The following MMP26 variants were observed in gnomAD, a reference collection of about 807,000 sequenced individuals.
MMP26 encodes matrix metallopeptidase 26, also known as matrix metalloproteinase-26.
In MMP26, 33 loss-of-function variants were observed where a neutral mutation model predicts 31.0. That is an observed-to-expected ratio of 1.06 (90% CI 0.81 to 1.42). MMP26 has a LOEUF of 1.42. Ranked by LOEUF, MMP26 falls within the 40% of genes most tolerant of loss-of-function variation. The pLI is 0.00. For synonymous variants in MMP26, 122 were observed against 114.9 expected, an observed-to-expected ratio of 1.06 and a Z score of -0.40; for missense variants, 347 against 316.1, an observed-to-expected ratio of 1.10 and a Z score of -0.74.
rs115841226 is a variant in MMP26 at position 4,946,420 on chromosome 11, C to T, written c.-144-41648C>T. 8 of 1,609,594 alleles carry T rather than the reference C, an allele frequency of 5.0e-6. No homozygotes were observed. The African/African-American group carries it at 6.7e-5, about 13-fold the overall frequency. On this transcript the variant is annotated intron_variant, in intron 2 of 7. Coordinates refer to ENST00000380390, the MANE Select transcript of MMP26 (RefSeq NM_021801.5). ...GCTGCTCCTTTTTGGATGCAATTCC[C>T]AGTACAGTCTTGAGGATCAGGGTGT...
At chr11:4,739,512 C>T (rs574504568) in intron 1 of MMP26, among the ~76,000 whole-genome samples, 1 of 152,232 alleles carries the variant, frequency 6.6e-6, no homozygotes, top group Admixed American at 6.5e-5. Context: ...TTCTCTAGAC[C>T]TAGGCATTGG....
intron 2 of MMP26, chr11:4,822,081 T>C: frequency 6.2e-7 from 1 of 1,613,536 alleles, no homozygotes; most frequent in Non-Finnish European, 8.5e-7. Flanking sequence ...TGCTCTCCTA[T>C]ATCCTGATCA....
At chr11:4,921,512 T>G (rs1851184341) in intron 2 of MMP26, among the ~76,000 whole-genome samples, 1 of 152,238 alleles carries the variant, frequency 6.6e-6, no homozygotes, top group Non-Finnish European at 1.5e-5. Flanking sequence ...AGAAAAAGTG[T>G]AGTTACGGAA....
chr11:4,845,258 G>A (rs892259110), intron 2 of MMP26, among the ~76,000 whole-genome samples: 4 of 151,938 alleles, frequency 2.6e-5, no homozygotes, highest in South Asian at 4.2e-4. Context: ...AAGTTGAAGA[G>A]GGTACCAAGA....
At chr11:4,707,370 T>G (rs74835378) in intron 1 of MMP26, among the ~76,000 whole-genome samples, 20,479 of 152,210 alleles carry the variant, frequency 0.13, 3,128 homozygotes, top group African/African-American at 0.38. Flanking sequence ...CTTTTTAAAT[T>G]GAGTTATTTG....
chr11:4,916,056 C>T (rs186722595), intron 2 of MMP26, among the ~76,000 whole-genome samples: 224 of 152,100 alleles, frequency 1.5e-3, no homozygotes, highest in Admixed American at 3.6e-3. Context: ...CAGTGGCTCA[C>T]GCCTGTAATC....
intron 2 of MMP26, among the ~76,000 whole-genome samples, chr11:4,917,183 C>G (rs2595976): frequency 6.6e-6 from 1 of 152,116 alleles, no homozygotes; most frequent in Non-Finnish European, 1.5e-5. Context: ...TTTTTTATTT[C>G]GCTAACTAAT....
At chr11:4,975,559 G>A (rs776937697) in intron 2 of MMP26, among the ~76,000 whole-genome samples, 13 of 152,154 alleles carry the variant, frequency 8.5e-5, no homozygotes, top group African/African-American at 2.4e-4. Context: ...CTGCCAGGAC[G>A]GAGGTTCAAA....
intron 2 of MMP26, chr11:4,860,703 A>C: frequency 3.1e-6 from 1 of 320,756 alleles, no homozygotes; most frequent in Non-Finnish European, 6.1e-6. Flanking sequence ...AAGTTAAAAA[A>C]CATTTAGATG....
At chr11:4,778,465 A>T (rs187018661) in intron 2 of MMP26, among the ~76,000 whole-genome samples, 12 of 152,080 alleles carry the variant, frequency 7.9e-5, no homozygotes, top group African/African-American at 2.4e-4. Context: ...TTCTTTCTAG[A>T]TTTCCTGGTG....
At chr11:4,865,368 A>T (rs1850219589) in intron 2 of MMP26, among the ~76,000 whole-genome samples, 1 of 152,150 alleles carries the variant, frequency 6.6e-6, no homozygotes, top group African/African-American at 2.4e-5. Flanking sequence ...TAAAGCATGA[A>T]AAATAATTAT....
chr11:4,856,401 AAAAAAG>A (rs1850054102), intron 2 of MMP26, among the ~76,000 whole-genome samples: 1 of 152,200 alleles, frequency 6.6e-6, no homozygotes, highest in Non-Finnish European at 1.5e-5. Flanking sequence ...TGGAAAACCA[AAAAAAG>A]CAGGGATTGC....
chr11:4,861,899 CCTTAT>C (rs1447952947), intron 2 of MMP26, among the ~76,000 whole-genome samples: 2 of 152,112 alleles, frequency 1.3e-5, no homozygotes, highest in East Asian at 3.9e-4. Flanking sequence ...AGCTCTAAAT[CCTTAT>C]CTTAGCCTTC....
intron 2 of MMP26, among the ~76,000 whole-genome samples, chr11:4,829,122 T>C (rs1389902705): frequency 2.6e-5 from 4 of 152,188 alleles, no homozygotes; most frequent in Admixed American, 6.5e-5. Context: ...GTATTTCTAC[T>C]GGCATGATCT....
chr11:4,867,641 G>C (rs1485913040), intron 2 of MMP26, among the ~76,000 whole-genome samples: 1 of 151,862 alleles, frequency 6.6e-6, no homozygotes, highest in Non-Finnish European at 1.5e-5. Flanking sequence ...TGCCCACCTT[G>C]ATCTCCCAAA....
At chr11:4,745,571 G>C (rs866464262) in intron 1 of MMP26, among the ~76,000 whole-genome samples, 1 of 152,118 alleles carries the variant, frequency 6.6e-6, no homozygotes, top group African/African-American at 2.4e-5. Context: ...TGGTACATTT[G>C]TACGTTCGTC....
rs573658398 is a variant in MMP26, at chr11:4,901,148, G to C, written c.-144-86920G>C. Among the ~76,000 whole-genome samples the C allele has an allele frequency of 3.4e-3, 261 of 76,094 alleles. 6 individuals carry two copies. In the East Asian group the frequency reaches 0.066, roughly 19 times the overall value. The allele number at this position is 76,094 out of a possible 152,430, so 49.9% of individuals were successfully genotyped here. On this transcript the variant is annotated intron_variant, in intron 2 of 7. Transcript: ENST00000380390. Reference sequence around the variant, plus strand: ...AGTGGACTTCGCATCACCTCTTTGTGCTTTTTTTTTTTTTTTTTTTTTTTT... The same window carrying C: ...AGTGGACTTCGCATCACCTCTTTGTCCTTTTTTTTTTTTTTTTTTTTTTTT...
At chr11:4,753,081 T>C (rs1848466383) in intron 1 of MMP26, 1 of 152,114 alleles carries the variant, frequency 6.6e-6, no homozygotes. Flanking sequence ...GTAAAGTGCA[T>C]AAAACTTTAG....
At chr11:4,852,930 C>A (rs1159744354) in intron 2 of MMP26, among the ~76,000 whole-genome samples, 2 of 152,160 alleles carry the variant, frequency 1.3e-5, no homozygotes, top group African/African-American at 4.8e-5. Context: ...GGATATTATG[C>A]CAAGTGAAAT....
Sources: allele counts gnomAD v4.1 joint callset (sites outside exome capture counted in the v4.1 genomes callset), GRCh38; gene constraint gnomAD v4.1.1; transcripts MANE v1.5; gene names NCBI Gene and HGNC (gene_info 2026-07-23, HGNC 2026-07-21).